ETS2: variants seen among roughly 807,000 people sequenced by gnomAD.
ETS2 encodes protein C-ets-2.
A neutral mutation model predicts 54.9 loss-of-function variants in ETS2; 19 were observed. The ratio of observed to expected loss-of-function variants is 0.35; its 90% CI spans 0.24 to 0.51. The LOEUF (loss-of-function observed/expected upper bound fraction) is 0.51. ETS2 is among the 20% of genes least tolerant of loss of function. ETS2 has a pLI of 0.97. For synonymous variants in ETS2, 219 were observed against 229.3 expected (o/e 0.95, Z 0.41); for missense variants, 417 against 593.0 (o/e 0.70, Z 3.08).
intron 9 of ETS2, among the ~76,000 whole-genome samples, chr21:38,822,100 G>A (rs1402811834): frequency 6.6e-6 from 1 of 152,120 alleles, no homozygotes; most frequent in Non-Finnish European, 1.5e-5. Flanking sequence ...CAGCAGTGTT[G>A]ACCCCAGCCC....
upstream of ETS2, chr21:38,805,685 C>A (rs1233238362): frequency 2.6e-6 from 3 of 1,166,452 alleles, no homozygotes; most frequent in East Asian, 6.1e-5. This position sits in a 1 kb window ranked among gnomAD's most constrained non-coding sequence, Gnocchi z 5.2. Context: ...TCTCTCCCCT[C>A]GTGCGTTCCC....
intron 8 of ETS2, among the ~76,000 whole-genome samples, chr21:38,820,976 C>T (rs531649775): frequency 2.0e-5 from 3 of 152,248 alleles, no homozygotes; most frequent in South Asian, 4.1e-4. Context: ...AAATGTCAAT[C>T]GAGGACAGGT....
In ETS2 at chr21:38,819,684, C is replaced by T. The variant is rs2060949953; in HGVS notation, c.993C>T (p.Phe331=). 7.4e-6 allele frequency: 12 copies of T among 1,614,124 alleles called. No individual in the cohort carries two copies. Among genetic ancestry groups the T allele is most frequent in the Non-Finnish European group, 1.0e-5 (12 of 1,179,994 alleles). ...SLCLNKPTMS[F]KDYIQERSDP... ...GCCTCAATAAGCCAACCATGTCTTTCAAGGATTACATCCAAGAGAGGAGTG... is the reference window on the plus strand; with the variant it reads ...GCCTCAATAAGCCAACCATGTCTTTTAAGGATTACATCCAAGAGAGGAGTG... Residue 331 remains phenylalanine (F), a synonymous_variant, in exon 8 of 10, where the codon TTC becomes TTT. Coordinates refer to ENST00000360938, the MANE Select transcript of ETS2 (RefSeq NM_005239.6).
chr21:38,813,809 G>GT (rs2060922544), intron 3 of ETS2, among the ~76,000 whole-genome samples: 2 of 152,296 alleles, frequency 1.3e-5, no homozygotes, highest in South Asian at 4.1e-4. Context: ...GGAGAAGATT[G>GT]TTTTTCAATA....
chr21:38,811,574 T>A (rs1169476295), intron 2 of ETS2, among the ~76,000 whole-genome samples: 2 of 152,244 alleles, frequency 1.3e-5, no homozygotes, highest in Non-Finnish European at 2.9e-5. Context: ...CCAGCTTATG[T>A]TGGAAAAATA....
intron 1 of ETS2, among the ~76,000 whole-genome samples, chr21:38,807,944 A>C (rs539818021): frequency 6.6e-6 from 1 of 152,322 alleles, no homozygotes; most frequent in South Asian, 2.1e-4. Context: ...ACCAGGACTT[A>C]TTTCATGCAG....
chr21:38,806,629 C>G lies in ETS2; in HGVS notation c.-1+509C>G. 1 of 985,276 alleles carries G rather than the reference C, an allele frequency of 1.0e-6. No individual in the cohort carries two copies. Among genetic ancestry groups the G allele is most frequent in the Non-Finnish European group, 1.2e-6 (1 of 829,908 alleles). The allele number at this position is 985,276 out of a possible 1,614,324, so 61.0% of individuals were successfully genotyped here. A position where few individuals can be genotyped will look rare whatever the true frequency, so the allele number is the denominator to read the frequency against. On this transcript the variant is annotated intron_variant, in intron 1 of 9. Transcript: ENST00000360938. This position sits in a 1 kb window ranked among gnomAD's most constrained non-coding sequence, Gnocchi z 4.3. ...CTGGGGCGCCCAAGACACCTGAAGG[C>G]TGCGGCACCGCGGGAACCTGCGGGG...
chr21:38,805,314 T>A (rs2060886954), upstream of ETS2: 1 of 1,264,342 alleles, frequency 7.9e-7, no homozygotes, highest in Non-Finnish European at 1.0e-6. This position sits in a 1 kb window ranked among gnomAD's most constrained non-coding sequence, Gnocchi z 5.2. Flanking sequence ...GATAGAATGA[T>A]CATTAGTCCT....
chr21:38,822,836 A>G lies in ETS2; in HGVS notation c.1357A>G (p.Thr453Ala). 6.2e-7 allele frequency: 1 copy of G among 1,611,142 alleles called. No homozygotes were observed. Among genetic ancestry groups the G allele is most frequent in the Non-Finnish European group, 8.5e-7 (1 of 1,177,888 alleles). ...VCDLQNLLGF[T>A]PEELHAILGV... ...CGACCTCCAGAACTTGCTGGGGTTC[A>G]CGCCCGAGGAACTGCACGCCATCCT... The change falls in exon 10 of 10, where the codon ACG becomes GCG. Residue 453 changes from threonine to alanine, a missense_variant. Physicochemically the swap from Thr to Ala is moderately conservative, Grantham distance 58. This residue lies in a region of ETS2 where 31 missense variants were observed against 32.8 expected (regional missense o/e 0.95). Coordinates refer to ENST00000360938, the MANE Select transcript of ETS2 (RefSeq NM_005239.6).
At chr21:38,805,219 G>T (rs577314779), upstream of ETS2, 1 of 755,742 alleles carries the variant, frequency 1.3e-6, no homozygotes, top group Admixed American at 4.0e-5. This position sits in a 1 kb window ranked among gnomAD's most constrained non-coding sequence, Gnocchi z 5.2. Context: ...GGGGCTTCCC[G>T]GGAGCAGCGC....
In ETS2 at chr21:38,821,731, T is replaced by A; in HGVS notation, c.1194+27T>A. ...TATGGCCAGAGCCCTGGGAAATCTC[T>A]GGGCTTGAAAACCTGATTTCCTGCT... On this transcript the variant is annotated intron_variant, in intron 9 of 9. Transcript: ENST00000360938. The surrounding 1 kb of genome is among the most constrained non-coding windows in gnomAD (Gnocchi z 4.2). The A allele has an allele frequency of 6.6e-7, 1 of 1,526,208 alleles. No homozygotes were observed. The highest frequency in any genetic ancestry group is 9.1e-7 in the Non-Finnish European group (1 of 1,101,720). The allele number at this position is 1,526,208 out of a possible 1,614,324, so 94.5% of individuals were successfully genotyped here. A position where few individuals can be genotyped will look rare whatever the true frequency, so the allele number is the denominator to read the frequency against.
Position 38,822,912 on chromosome 21 carries a change from C to A in ETS2, c.*23C>A, listed in dbSNP as rs541032626. 2.0e-6 allele frequency: 3 copies of A among 1,528,436 alleles called. No homozygotes were observed. The highest frequency in any genetic ancestry group is 1.4e-5 in the African/African-American group (1 of 72,608). 94.7% of individuals were successfully genotyped at this position (1,528,436 alleles called of 1,614,324 possible). Reference sequence around the variant, plus strand: ...TGAGGTCGCCGGGACCACCCTGAGCCGGCCCCAGGCTCGTGGACTGAGTGG... The same window carrying A: ...TGAGGTCGCCGGGACCACCCTGAGCAGGCCCCAGGCTCGTGGACTGAGTGG... On this transcript the variant is annotated 3_prime_UTR_variant, in exon 10 of 10. Transcript: ENST00000360938.
rs537453537 is a variant in ETS2, at chr21:38,824,169, C to T, written c.*1280C>T. ...AGGGGTCTTGATGAAACCTCTTGAA[C>T]GAAGCACAGTTTGTCCCATCTTTGT... On this transcript the variant is annotated 3_prime_UTR_variant, in exon 10 of 10. Coordinates refer to ENST00000360938, the MANE Select transcript of ETS2 (RefSeq NM_005239.6). 2.0e-5 allele frequency: 3 copies of T among 152,748 alleles called. No homozygotes were observed. The highest frequency in any genetic ancestry group is 2.1e-4 in the South Asian group (1 of 4,832). The allele number at this position is 152,748 out of a possible 1,614,324, so 9.5% of individuals were successfully genotyped here.
chr21:38,807,173 A>C (rs144160533), intron 1 of ETS2, among the ~76,000 whole-genome samples: 6 of 152,352 alleles, frequency 3.9e-5, no homozygotes, highest in African/African-American at 1.4e-4. Flanking sequence ...GGAAATGCTC[A>C]GATACTCATT....
In ETS2 at chr21:38,824,173, G is replaced by C. The variant is rs1379853161; in HGVS notation, c.*1284G>C. ...GTCTTGATGAAACCTCTTGAACGAAGCACAGTTTGTCCCATCTTTGTTCAC... is the reference window on the plus strand; with the variant it reads ...GTCTTGATGAAACCTCTTGAACGAACCACAGTTTGTCCCATCTTTGTTCAC... On this transcript the variant is annotated 3_prime_UTR_variant, in exon 10 of 10. Coordinates refer to ENST00000360938, the MANE Select transcript of ETS2 (RefSeq NM_005239.6). The C allele has an allele frequency of 1.3e-5, 2 of 152,648 alleles. No homozygotes were observed. The highest frequency in any genetic ancestry group is 4.8e-5 in the African/African-American group (2 of 41,450). The allele number at this position is 152,648 out of a possible 1,614,324, so 9.5% of individuals were successfully genotyped here.
Position 38,822,778 on chromosome 21 carries a change from G to C in ETS2, c.1299G>C (p.Thr433=). 5 of 1,614,208 alleles carry C rather than the reference G, an allele frequency of 3.1e-6. No homozygotes were observed. Among genetic ancestry groups the C allele is most frequent in the Non-Finnish European group, 4.2e-6 (5 of 1,180,036 alleles). ...YYYDKNIIHK[T]SGKRYVYRFV... ...ACGACAAGAACATCATCCACAAGAC[G>C]TCGGGGAAGCGCTACGTGTACCGCT... The change falls in exon 10 of 10, where the codon ACG becomes ACC. Residue 433 remains threonine, a synonymous_variant. Transcript: ENST00000360938.
At position 38,823,474 on chromosome 21, in the gene ETS2, T is replaced by G. The variant is rs1044944028; in HGVS notation, c.*585T>G. 2.6e-5 allele frequency: 4 copies of G among 152,510 alleles called. No individual in the cohort carries two copies. Among genetic ancestry groups the G allele is most frequent in the Admixed American group, 1.3e-4 (2 of 15,284 alleles). 9.4% of individuals were successfully genotyped at this position (152,510 alleles called of 1,614,324 possible). A position where few individuals can be genotyped will look rare whatever the true frequency, so the allele number is the denominator to read the frequency against. On this transcript the variant is annotated 3_prime_UTR_variant, in exon 10 of 10. Transcript: ENST00000360938. ...AAGAATTCAGACATCTGAGGTTTTATTTCATTTTTCAATAGCACATATGGA... is the reference window on the plus strand; with the variant it reads ...AAGAATTCAGACATCTGAGGTTTTAGTTCATTTTTCAATAGCACATATGGA...
chr21:38,807,402 T>C (rs2060897759), intron 1 of ETS2, among the ~76,000 whole-genome samples: 1 of 149,072 alleles, frequency 6.7e-6, no homozygotes, highest in Admixed American at 6.9e-5. Flanking sequence ...AGCTGTTACA[T>C]TTCTGCTCTT....
chr21:38,818,803 T>C (rs1479050292), intron 7 of ETS2, among the ~76,000 whole-genome samples, 157 bp downstream of exon 7: 1 of 152,212 alleles, frequency 6.6e-6, no homozygotes, highest in Admixed American at 6.5e-5. Context: ...ATACCCCTAA[T>C]ATGTTTCAGG....
Sources: allele counts gnomAD v4.1 joint callset (sites outside exome capture counted in the v4.1 genomes callset), GRCh38; gene constraint gnomAD v4.1.1; regional missense constraint gnomAD v4.1.1; non-coding constraint Gnocchi (gnomAD v3.1); transcripts MANE v1.5; gene names NCBI Gene and HGNC (gene_info 2026-07-23, HGNC 2026-07-21).